PAOX: variants seen among roughly 807,000 people sequenced by gnomAD.
PAOX encodes the protein peroxisomal N(1)-acetyl-spermine/spermidine oxidase.
PAOX carries 38 observed loss-of-function variants against 39.0 expected under a neutral mutation model. That is an observed-to-expected ratio of 0.97 (90% CI 0.75 to 1.28). PAOX has a LOEUF of 1.28. Ranked by LOEUF, PAOX falls within the 50% of genes most tolerant of loss-of-function variation. The pLI, the probability that PAOX is intolerant of heterozygous loss-of-function variation, is 0.00. For missense variants in PAOX, 667 were observed against 685.7 expected (o/e 0.97, Z 0.30); for synonymous variants, 311 against 314.4 (o/e 0.99, Z 0.11).
intron 4 of PAOX, among the ~76,000 whole-genome samples, chr10:133,387,893 G>GTC (rs1849569764): frequency 6.6e-6 from 1 of 152,066 alleles, no homozygotes; most frequent in African/African-American, 2.4e-5. Context: ...GCTAATTTTT[G>GTC]TATTTTTATT....
chr10:133,382,354 T>G (rs1346317009), intron 3 of PAOX, among the ~76,000 whole-genome samples: 1 of 152,040 alleles, frequency 6.6e-6, no homozygotes, highest in East Asian at 1.9e-4. Context: ...GATTGACAGG[T>G]GTGTGATGAA....
At position 133,381,488 on chromosome 10, in the gene PAOX, A is replaced by G; in HGVS notation, c.697A>G (p.Met233Val). The change falls in exon 3 of 7, where the codon ATG (methionine) becomes GTG (valine). Residue 233 changes from methionine to valine, a missense_variant. Met to Val is a conservative substitution (Grantham distance 21). Transcript: ENST00000278060. The stretch of plus-strand genomic sequence containing the variant: ...CTATCAAGGACTCACAAACTGCATG[A>G]TGGCCGCCCTGCCGGAGGACACTGT... Reference protein sequence around the residue: ...KGYQGLTNCMMAALPEDTVVF... With the variant: ...KGYQGLTNCMVAALPEDTVVF... The G allele has an allele frequency of 6.2e-7, 1 of 1,613,746 alleles. No individual in the cohort carries two copies. The highest frequency in any genetic ancestry group is 2.2e-5 in the East Asian group (1 of 44,888).
chr10:133,381,843 G>A (rs1589892368), intron 3 of PAOX, among the ~76,000 whole-genome samples, 184 bp downstream of exon 3: 1 of 152,216 alleles, frequency 6.6e-6, no homozygotes, highest in South Asian at 2.1e-4. Flanking sequence ...TTGGAATTAA[G>A]GGTTTCACCG....
chr10:133,389,001 G>A lies in PAOX; in HGVS notation c.1167G>A (p.Glu389=), dbSNP rs1258696036. The change falls in exon 5 of 7, where the codon GAG becomes GAA. Residue 389 remains glutamate (E), a synonymous_variant. Transcript: ENST00000278060. The part of the protein sequence containing the change: ...LCGFIAGLES[E]FMETLSDEEV... ...GGTTCATTGCCGGACTTGAGTCTGA[G>A]TTCATGGAGACTCTGTCGGATGAAG... The A allele has an allele frequency of 1.1e-5, 17 of 1,614,126 alleles. No individual in the cohort carries two copies. The highest frequency in any genetic ancestry group is 1.3e-5 in the Non-Finnish European group (15 of 1,180,026).
At chr10:133,382,312 G>A (rs1849409015) in intron 3 of PAOX, among the ~76,000 whole-genome samples, 1 of 151,008 alleles carries the variant, frequency 6.6e-6, no homozygotes, top group Admixed American at 6.6e-5. Context: ...CAAAGCTAGC[G>A]ATTGCCAGCA....
At chr10:133,379,792 C>G in intron 1 of PAOX, 1 of 650,262 alleles carries the variant, frequency 1.5e-6, no homozygotes, top group Non-Finnish European at 2.4e-6. Context: ...TCCCTCTGGT[C>G]CACACCGCCC....
Position 133,380,258 on chromosome 10 carries a change from T to C in PAOX, c.441T>C (p.Ala147=). The change falls in exon 2 of 7, where the codon GCT becomes GCC. Residue 147 remains alanine, a synonymous_variant. Coordinates refer to ENST00000278060, the MANE Select transcript of PAOX (RefSeq NM_152911.4). ...LIDQTREFLH[A]AETPVPSVGE... is the part of the protein sequence containing the mutation. ...ACCAGACCCGGGAGTTCCTGCACGC[T>C]GCAGAGACCCCGGTGCCCAGCGTCG... 1 of 1,612,886 alleles carries C rather than the reference T, an allele frequency of 6.2e-7. No individual in the cohort carries two copies. Among genetic ancestry groups the C allele is most frequent in the Non-Finnish European group, 8.5e-7 (1 of 1,180,020 alleles).
chr10:133,390,530 C>A lies in PAOX; in HGVS notation c.1393-782C>A, dbSNP rs1589902437. ...AAGTTGAGGCTGGAGTAAGCTATGA[C>A]TGCACCACTGGACTCCAGCCTGGGT... On this transcript the variant is annotated intron_variant, in intron 6 of 6. Coordinates refer to ENST00000278060, the MANE Select transcript of PAOX (RefSeq NM_152911.4). Among the ~76,000 whole-genome samples the A allele has an allele frequency of 7.2e-5, 11 of 152,234 alleles. No individual in the cohort carries two copies. In the South Asian group the frequency reaches 2.3e-3, roughly 32 times the overall value.
chr10:133,381,321 ACCT>A (rs79146118), intron 2 of PAOX, 136 bp from the exon 3 acceptor site: 25,204 of 752,556 alleles, frequency 0.033, 505 homozygotes, highest in Non-Finnish European at 0.042. Context: ...AGTGGAGCTG[ACCT>A]CCTTGCTGGC....
chr10:133,386,664 G>A (rs7894259), intron 4 of PAOX, among the ~76,000 whole-genome samples: 133,566 of 151,818 alleles, frequency 0.88, 59,704 homozygotes, highest in East Asian at 0.98. Flanking sequence ...AGCAGAGATG[G>A]GGTTTCTCCA....
At chr10:133,388,680 A>AC (rs1237788171) in intron 4 of PAOX, among the ~76,000 whole-genome samples, 1 of 151,902 alleles carries the variant, frequency 6.6e-6, no homozygotes, top group Non-Finnish European at 1.5e-5. Flanking sequence ...GGGCCTTCGG[A>AC]CCCCCAGGAC....
At chr10:133,383,829 A>T in intron 3 of PAOX, 131 bp from the exon 4 acceptor site, 1 of 1,245,334 alleles carries the variant, frequency 8.0e-7, no homozygotes, top group Middle Eastern at 2.8e-4. Flanking sequence ...ACAAAAAAGT[A>T]AAACTGCTTG....
At chr10:133,390,843 A>T in intron 6 of PAOX, 2 of 594,288 alleles carry the variant, frequency 3.4e-6, no homozygotes, top group Non-Finnish European at 6.1e-6. Context: ...CCCTCCCCAT[A>T]TGTGATCCAG....
chr10:133,383,079 G>C (rs1398302461), intron 3 of PAOX: 1 of 152,118 alleles, frequency 6.6e-6, no homozygotes, highest in Non-Finnish European at 1.5e-5. Context: ...CAGCTACTCA[G>C]GAGGCTGAGG....
In PAOX at chr10:133,379,270, C is replaced by T; in HGVS notation, c.-47C>T. 8.3e-7 allele frequency: 1 copy of T among 1,203,280 alleles called. No individual in the cohort carries two copies. Among genetic ancestry groups the T allele is most frequent in the Non-Finnish European group, 1.0e-6 (1 of 970,160 alleles). The allele number at this position is 1,203,280 out of a possible 1,614,324, so 74.5% of individuals were successfully genotyped here. A position where few individuals can be genotyped will look rare whatever the true frequency, so the allele number is the denominator to read the frequency against. ...CGCCTCCGGCCTCCTCCGAGAGCTC[C>T]AGACCTCCCGGCTACTCAGAAGCCC... On this transcript the variant is annotated 5_prime_UTR_variant, in exon 1 of 7. Transcript: ENST00000278060.
intron 6 of PAOX, among the ~76,000 whole-genome samples, chr10:133,390,557 T>A (rs1849648620): frequency 1.3e-5 from 2 of 152,116 alleles, no homozygotes; most frequent in African/African-American, 2.4e-5. Context: ...AGCCTGGGTG[T>A]CAGAGCAAGA....
At chr10:133,379,772 C>T in intron 1 of PAOX, 1 of 563,296 alleles carries the variant, frequency 1.8e-6, no homozygotes, top group East Asian at 3.1e-5. Context: ...GTACGCCCAC[C>T]CTGCGCCCCT....
chr10:133,384,159 A>G lies in PAOX; in HGVS notation c.1068A>G (p.Leu356=), dbSNP rs1457452633. 1.2e-6 allele frequency: 2 copies of G among 1,614,030 alleles called. No homozygotes were observed. The highest frequency in any genetic ancestry group is 2.7e-5 in the African/African-American group (2 of 74,932). ...CCCTGGAGGATGCTGCCCCTGAGCT[A>G]CAGGACGCCTGGTTCCGGAAGCTCA... The part of the protein sequence containing the change: ...TSPLEDAAPE[L]QDAWFRKLIG... Residue 356 remains leucine (L), a synonymous_variant, in exon 4 of 7, where the codon CTA becomes CTG. Coordinates refer to ENST00000278060, the MANE Select transcript of PAOX (RefSeq NM_152911.4). This position sits in a 1 kb window ranked among gnomAD's most constrained non-coding sequence, Gnocchi z 4.3.
intron 4 of PAOX, among the ~76,000 whole-genome samples, chr10:133,386,514 G>A (rs1406320877): frequency 5.3e-5 from 8 of 151,938 alleles, no homozygotes; most frequent in African/African-American, 1.7e-4. Flanking sequence ...TGCTTTTGTC[G>A]CCCAGGCTGG....
Sources: allele counts gnomAD v4.1 joint callset (sites outside exome capture counted in the v4.1 genomes callset), GRCh38; gene constraint gnomAD v4.1.1; non-coding constraint Gnocchi (gnomAD v3.1); transcripts MANE v1.5; gene names NCBI Gene and HGNC (gene_info 2026-07-23, HGNC 2026-07-21).